Variants in ANKMY1 observed in about 807,000 individuals in gnomAD.
ANKMY1 encodes the protein ankyrin repeat and MYND domain-containing protein 1.
ANKMY1 carries 98 observed loss-of-function variants against 102.0 expected under a neutral mutation model. The ratio of observed to expected loss-of-function variants is 0.96; its 90% CI spans 0.82 to 1.14. The LOEUF (loss-of-function observed/expected upper bound fraction) is 1.14, where lower values mean the gene tolerates loss of function less well. ANKMY1 is among the 50% of genes most tolerant of loss of function. ANKMY1 has a pLI of 0.00. For synonymous variants in ANKMY1, 582 were observed against 559.9 expected (o/e 1.04, Z -0.56); for missense variants, 1,330 against 1,347.6 (o/e 0.99, Z 0.20).
upstream of ANKMY1, chr2:240,560,532 G>C (rs984646449): frequency 1.6e-5 from 18 of 1,154,082 alleles, no homozygotes; most frequent in Non-Finnish European, 1.9e-5. Flanking sequence ...CGCCCGCGGG[G>C]GACCCAAGCC....
chr2:240,526,248 G>A lies in ANKMY1; in HGVS notation c.1151C>T (p.Thr384Ile), dbSNP rs2083373141. 24 of 1,614,082 alleles carry A rather than the reference G, an allele frequency of 1.5e-5. No homozygotes were observed. In the East Asian group the frequency reaches 5.3e-4, roughly 36 times the overall value. ...GCTTACAGCAGCCGCAGCAAGCACA[G>A]TGTAGCCCTTTGCGTCCGCCACGTC... ...SADVADAKGY[T>I]VLAAAATHCH... The change falls in exon 6 of 18, where the codon ACT becomes ATT. Residue 384 changes from threonine (T) to isoleucine (I), a missense_variant. Thr to Ile is a moderately conservative substitution (Grantham distance 89). Coordinates refer to ENST00000401804, the MANE Select transcript of ANKMY1 (RefSeq NM_001282771.3).
intron 4 of ANKMY1, among the ~76,000 whole-genome samples, chr2:240,537,070 G>T (rs1356945652): frequency 6.6e-6 from 1 of 151,862 alleles, no homozygotes; most frequent in Non-Finnish European, 1.5e-5. Context: ...AAAAAGAAAA[G>T]AAAAAAACAG....
intron 9 of ANKMY1, 152 bp from the exon 10 acceptor site, chr2:240,513,094 T>C: frequency 8.7e-7 from 1 of 1,149,912 alleles, no homozygotes. Flanking sequence ...AGGCTACTGG[T>C]CCCTGAAGGC....
intron 2 of ANKMY1, among the ~76,000 whole-genome samples, chr2:240,555,765 G>A (rs1196444199): frequency 3.3e-5 from 5 of 151,956 alleles, no homozygotes; most frequent in Admixed American, 2.0e-4. Context: ...AAAAGGCGTG[G>A]TGCCTCAGAC....
intron 7 of ANKMY1, 33 bp downstream of exon 7, chr2:240,525,652 A>T: frequency 6.2e-7 from 1 of 1,607,274 alleles, no homozygotes; most frequent in Non-Finnish European, 8.5e-7. Flanking sequence ...TACAGGAGAC[A>T]GTTGGTGGTG....
At chr2:240,525,936 G>A (rs573767748) in intron 6 of ANKMY1, 87 bp from the exon 7 acceptor site, 1 of 1,491,134 alleles carries the variant, frequency 6.7e-7, no homozygotes, top group African/African-American at 1.4e-5. Flanking sequence ...GCCCTCATGA[G>A]GCCACCCTAT....
downstream of ANKMY1, among the ~76,000 whole-genome samples, chr2:240,477,027 G>A (rs1202905544): frequency 2.0e-5 from 3 of 152,210 alleles, no homozygotes; most frequent in Non-Finnish European, 4.4e-5. Flanking sequence ...AATGAAAAGG[G>A]ACCAGTGGAG....
chr2:240,512,154 C>A (rs934414959), intron 10 of ANKMY1, among the ~76,000 whole-genome samples, 153 bp from the exon 11 acceptor site: 3 of 152,264 alleles, frequency 2.0e-5, no homozygotes, highest in African/African-American at 7.2e-5. Context: ...TTTGTTCGAG[C>A]CTCTCCCTGC....
Position 240,520,558 on chromosome 2 carries a change from G to A in ANKMY1, c.1833-25C>T, listed in dbSNP as rs1479265885. On this transcript the variant is annotated intron_variant, in intron 8 of 17. Coordinates refer to ENST00000401804, the MANE Select transcript of ANKMY1 (RefSeq NM_001282771.3). This position sits in a 1 kb window ranked among gnomAD's most constrained non-coding sequence, Gnocchi z 4.8. The stretch of plus-strand genomic sequence containing the variant: ...CCTGAAAAAGACGGTGCGCCCGTGG[G>A]CCCCTGGAGGGCAGGCACCTGCACT... The A allele has an allele frequency of 3.8e-6, 6 of 1,598,024 alleles. No homozygotes were observed. Among genetic ancestry groups the A allele is most frequent in the Non-Finnish European group, 5.1e-6 (6 of 1,171,828 alleles).
intron 11 of ANKMY1, among the ~76,000 whole-genome samples, chr2:240,510,805 T>G (rs1266729764): frequency 1.3e-5 from 2 of 152,134 alleles, no homozygotes; most frequent in Non-Finnish European, 2.9e-5. Context: ...TACCCAATGA[T>G]AGTGTCACAT....
At position 240,520,447 on chromosome 2, in the gene ANKMY1, A is replaced by T. The variant is rs1281804142; in HGVS notation, c.1919T>A (p.Phe640Tyr). ...NLCCVPMQVL[F>Y]LAVKAGDVDG... ...CACGTCCCCGGCCTTCACAGCAAGG[A>T]ACAGGACCTGCATGGGCACGCAGCA... Residue 640 changes from phenylalanine (F) to tyrosine (Y), a missense_variant, in exon 9 of 18, where the codon TTC (phenylalanine) becomes TAC (tyrosine). Phe to Tyr is a conservative substitution (Grantham distance 22). Coordinates refer to ENST00000401804, the MANE Select transcript of ANKMY1 (RefSeq NM_001282771.3). The surrounding 1 kb of genome is among the most constrained non-coding windows in gnomAD (Gnocchi z 4.8). 2.5e-6 allele frequency: 4 copies of T among 1,613,338 alleles called. No homozygotes were observed. In the South Asian group the frequency reaches 3.3e-5, roughly 13 times the overall value.
At chr2:240,538,660 G>A (rs1282276825) in intron 4 of ANKMY1, among the ~76,000 whole-genome samples, 1 of 152,226 alleles carries the variant, frequency 6.6e-6, no homozygotes, top group African/African-American at 2.4e-5. Context: ...GTATGGGCGT[G>A]CAGTGAGGCA....
In ANKMY1 at chr2:240,498,296, G is replaced by A. The variant is rs1294308776; in HGVS notation, c.2806+1662C>T. Among the ~76,000 whole-genome samples, 39 of 150,348 alleles carry A rather than the reference G, an allele frequency of 2.6e-4. 1 individual carries two copies. The highest frequency in any genetic ancestry group is 8.6e-4 in the Admixed American group (13 of 15,088). On this transcript the variant is annotated intron_variant, in intron 15 of 17. Coordinates refer to ENST00000401804, the MANE Select transcript of ANKMY1 (RefSeq NM_001282771.3). ...TGGATGGGGCAGGTGTTGGGGGTGG[G>A]GGGGGTTTATGCATGGGTGGGCACA...
intron 7 of ANKMY1, among the ~76,000 whole-genome samples, chr2:240,525,168 G>A (rs1485742790): frequency 6.6e-6 from 1 of 152,184 alleles, no homozygotes; most frequent in Non-Finnish European, 1.5e-5. Context: ...TAAACTCCCA[G>A]TGTTAGTCAG....
At chr2:240,473,988 T>C in the ANKMY1 span, among the ~76,000 whole-genome samples, 2 of 152,216 alleles carry the variant, frequency 1.3e-5, no homozygotes, top group Non-Finnish European at 2.9e-5. Context: ...CCACTTCTAT[T>C]TAATGTGTTA....
At chr2:240,514,462 G>A (rs2080830572) in intron 9 of ANKMY1, among the ~76,000 whole-genome samples, 1 of 152,116 alleles carries the variant, frequency 6.6e-6, no homozygotes, top group South Asian at 2.1e-4. Flanking sequence ...TAAGTCCCAC[G>A]AGTCCCAGAA....
intron 4 of ANKMY1, among the ~76,000 whole-genome samples, chr2:240,539,455 T>C (rs2087995883): frequency 6.6e-6 from 1 of 151,954 alleles, no homozygotes; most frequent in African/African-American, 2.4e-5. Flanking sequence ...CGTCCAAACA[T>C]CAGAAGGAAC....
At chr2:240,501,805 A>G (rs1249408926) in intron 13 of ANKMY1, among the ~76,000 whole-genome samples, 1 of 152,142 alleles carries the variant, frequency 6.6e-6, no homozygotes, top group Non-Finnish European at 1.5e-5. Context: ...GCATGGGTGG[A>G]GTTTATACAG....
intron 2 of ANKMY1, among the ~76,000 whole-genome samples, chr2:240,555,781 C>G (rs777835368): frequency 1.3e-5 from 2 of 151,956 alleles, no homozygotes; most frequent in African/African-American, 4.8e-5. Context: ...CAGACCTCCA[C>G]AGATGGATGG....
Sources: allele counts gnomAD v4.1 joint callset (sites outside exome capture counted in the v4.1 genomes callset), GRCh38; gene constraint gnomAD v4.1.1; non-coding constraint Gnocchi (gnomAD v3.1); transcripts MANE v1.5; gene names NCBI Gene and HGNC (gene_info 2026-07-23, HGNC 2026-07-21).